PTPRM: variants seen among roughly 807,000 people sequenced by gnomAD.
PTPRM encodes receptor-type tyrosine-protein phosphatase mu.
In PTPRM, 47 loss-of-function variants were observed where a neutral mutation model predicts 186.7. The observed-to-expected ratio is 0.25, with a 90% confidence interval of 0.20 to 0.32. The LOEUF (loss-of-function observed/expected upper bound fraction) is 0.32, where lower values mean the gene tolerates loss of function less well. Among genes scored for constraint, PTPRM ranks in the 10% least tolerant of loss-of-function variants. The probability of loss-of-function intolerance (pLI) is 1.00; values close to 1 mark genes in which losing one functional copy is unlikely to be tolerated. For synonymous variants in PTPRM, 668 were observed against 674.9 expected (o/e 0.99, Z 0.16); for missense variants, 1,494 against 1,865.0 (o/e 0.80, Z 3.66).
intron 1 of PTPRM, among the ~76,000 whole-genome samples, chr18:7,652,669 C>T (rs550868481): frequency 1.7e-3 from 255 of 147,676 alleles, no homozygotes; most frequent in African/African-American, 5.5e-3. Context: ...AACCAAACAC[C>T]GCATATTCTC....
intron 14 of PTPRM, among the ~76,000 whole-genome samples, chr18:8,218,028 A>G (rs759361541): frequency 3.3e-5 from 5 of 152,202 alleles, no homozygotes; most frequent in Non-Finnish European, 5.9e-5. Context: ...CCGTTCCCAC[A>G]TAGAGAGCAA....
chr18:7,872,615 G>C (rs908321884), intron 2 of PTPRM, among the ~76,000 whole-genome samples: 2 of 152,000 alleles, frequency 1.3e-5, no homozygotes, highest in Non-Finnish European at 2.9e-5. Flanking sequence ...TTTCCTTGTC[G>C]GCAACAATAA....
chr18:7,915,883 A>G (rs536584793), intron 4 of PTPRM, among the ~76,000 whole-genome samples: 1 of 152,320 alleles, frequency 6.6e-6, no homozygotes, highest in African/African-American at 2.4e-5. Context: ...AGCTTGGAAG[A>G]TTATATAAGC....
chr18:8,045,187 A>G (rs889131666), intron 7 of PTPRM, among the ~76,000 whole-genome samples: 9 of 152,196 alleles, frequency 5.9e-5, no homozygotes, highest in Admixed American at 2.0e-4. Flanking sequence ...TCTCTAATAA[A>G]AAATACAAAA....
chr18:8,119,586 A>T (rs1403618342), intron 13 of PTPRM, among the ~76,000 whole-genome samples: 5 of 152,286 alleles, frequency 3.3e-5, no homozygotes, highest in African/African-American at 4.8e-5. Context: ...TTCATGTCTG[A>T]AATAGTCTTT....
intron 19 of PTPRM, among the ~76,000 whole-genome samples, chr18:8,281,541 G>A (rs185402888): frequency 8.2e-4 from 125 of 152,316 alleles, no homozygotes; most frequent in Non-Finnish European, 1.4e-3. Flanking sequence ...TAGGGCAGGA[G>A]TGCTTGACTG....
chr18:8,143,513 AAATCAAAGCTT>A, intron 13 of PTPRM, 123 bp from the exon 14 acceptor site: 1 of 931,740 alleles, frequency 1.1e-6, no homozygotes, highest in Non-Finnish European at 1.6e-6. Flanking sequence ...GCTGTTTAAA[AAATCAAAGCTT>A]GTCTGTCTGC....
At position 7,674,955 on chromosome 18, in the gene PTPRM, G is replaced by A. The variant is rs1377578765; in HGVS notation, c.74-99194G>A. On this transcript the variant is annotated intron_variant, in intron 1 of 32. Transcript: ENST00000580170. ...ATCAGTAGGAAGGGCTAATTTAGGC[G>A]CCGACTCTTTCCTTAAAGTGAAGCT... 4.6e-5 allele frequency among the ~76,000 whole-genome samples: 7 copies of A among 152,282 alleles called. 1 individual carries two copies. In the South Asian group the frequency reaches 6.2e-4, roughly 14 times the overall value.
intron 2 of PTPRM, among the ~76,000 whole-genome samples, chr18:7,821,386 GATA>G (rs996082603): frequency 3.3e-5 from 5 of 152,202 alleles, no homozygotes; most frequent in Admixed American, 1.3e-4. Context: ...TGCCGAATGT[GATA>G]ATGTGTTCTA....
At chr18:7,701,944 T>C (rs1001153911) in intron 1 of PTPRM, among the ~76,000 whole-genome samples, 4 of 152,032 alleles carry the variant, frequency 2.6e-5, no homozygotes, top group African/African-American at 9.7e-5. Context: ...TGAGAACATG[T>C]GGTGTTTGGT....
At chr18:7,714,343 G>T (rs2040277535) in intron 1 of PTPRM, among the ~76,000 whole-genome samples, 1 of 152,130 alleles carries the variant, frequency 6.6e-6, no homozygotes, top group South Asian at 2.1e-4. Context: ...CAATGTACCA[G>T]AATATCTGGG....
chr18:8,286,915 T>C, intron 19 of PTPRM, among the ~76,000 whole-genome samples: 1 of 151,894 alleles, frequency 6.6e-6, no homozygotes, highest in East Asian at 1.9e-4. Flanking sequence ...GTCACAAATA[T>C]CACATTAAAA....
intron 22 of PTPRM, among the ~76,000 whole-genome samples, chr18:8,331,903 C>T (rs1228137093): frequency 6.6e-6 from 1 of 152,230 alleles, no homozygotes; most frequent in Non-Finnish European, 1.5e-5. Flanking sequence ...ATAGCAGCGC[C>T]AGCTCCACGT....
chr18:7,783,092 G>T (rs1423647785), intron 2 of PTPRM, among the ~76,000 whole-genome samples: 1 of 152,166 alleles, frequency 6.6e-6, no homozygotes, highest in Non-Finnish European at 1.5e-5. Context: ...CATCATAAGA[G>T]TTATGTGGAG....
chr18:7,567,489 G>A lies in PTPRM; in HGVS notation c.-330G>A, dbSNP rs2036453625. 4 of 216,932 alleles carry A rather than the reference G, an allele frequency of 1.8e-5. No homozygotes were observed. The highest frequency in any genetic ancestry group is 3.6e-5 in the Non-Finnish European group (4 of 111,518). The allele number at this position is 216,932 out of a possible 1,614,324, so 13.4% of individuals were successfully genotyped here. A position where few individuals can be genotyped will look rare whatever the true frequency, so the allele number is the denominator to read the frequency against. On this transcript the variant is annotated 5_prime_UTR_variant, in exon 1 of 33. Transcript: ENST00000580170. The surrounding 1 kb of genome is among the most constrained non-coding windows in gnomAD (Gnocchi z 4.3). ...GCCGGCAGCTCGGGTCCCGGGTCCC[G>A]GGCAGGGGAAGGGGAGAGGCGGCGA... is the stretch of plus-strand genomic sequence containing the variant.
chr18:7,923,234 C>T (rs1291563066), intron 4 of PTPRM, among the ~76,000 whole-genome samples: 2 of 152,172 alleles, frequency 1.3e-5, no homozygotes, highest in African/African-American at 4.8e-5. Flanking sequence ...TGTTAGAGAC[C>T]TAGCTTGCTG....
intron 14 of PTPRM, among the ~76,000 whole-genome samples, chr18:8,202,589 AT>A (rs11397601): frequency 0.033 from 4,875 of 146,456 alleles, 251 homozygotes; most frequent in African/African-American, 0.11. Flanking sequence ...TTGTTCTCTG[AT>A]TTTTTTTTTT....
At chr18:7,845,091 T>C (rs2046526955) in intron 2 of PTPRM, among the ~76,000 whole-genome samples, 1 of 152,186 alleles carries the variant, frequency 6.6e-6, no homozygotes, top group South Asian at 2.1e-4. Flanking sequence ...AATGAACAGT[T>C]CTCTGAGGCA....
intron 2 of PTPRM, among the ~76,000 whole-genome samples, chr18:7,822,171 G>A (rs560159240): frequency 9.7e-4 from 147 of 152,218 alleles, no homozygotes; most frequent in African/African-American, 2.7e-3. Context: ...TCTCTCTGAT[G>A]CTCAATACTT....
Sources: gnomAD v4.1 joint callset for allele counts (sites outside exome capture counted in the v4.1 genomes callset) on GRCh38, gnomAD v4.1.1 for gene constraint, Gnocchi (gnomAD v3.1) non-coding constraint, MANE v1.5 for transcripts, NCBI Gene and HGNC (gene_info 2026-07-23, HGNC 2026-07-21) for gene names.